Variants in PNPT1 observed in about 807,000 individuals in gnomAD.
PNPT1 encodes the protein polyribonucleotide nucleotidyltransferase 1.
A neutral mutation model predicts 119.5 loss-of-function variants in PNPT1; 53 were observed. That is an observed-to-expected ratio of 0.44 (90% CI 0.36 to 0.56). PNPT1 has a LOEUF of 0.56. Among genes scored for constraint, PNPT1 ranks in the 20% least tolerant of loss-of-function variants. PNPT1 has a pLI of 0.00. For synonymous variants in PNPT1, 357 were observed against 322.1 expected (o/e 1.11, Z -1.16); for missense variants, 948 against 938.5 (o/e 1.01, Z -0.13).
At chr2:55,641,880 C>T (rs572278057) in intron 25 of PNPT1, among the ~76,000 whole-genome samples, 16 of 150,064 alleles carry the variant, frequency 1.1e-4, no homozygotes, top group East Asian at 5.9e-4. Flanking sequence ...CTCGCTCTGT[C>T]GCCCAGGCTG....
At chr2:55,646,535 T>G (rs776246478) in intron 19 of PNPT1, 49 bp from the exon 20 acceptor site, 1 of 1,438,252 alleles carries the variant, frequency 7.0e-7, no homozygotes, top group Non-Finnish European at 9.6e-7. Context: ...AAAACAAAAG[T>G]CAACATATTC....
intron 18 of PNPT1, among the ~76,000 whole-genome samples, chr2:55,652,425 A>T (rs1696240640): frequency 6.6e-6 from 1 of 152,002 alleles, no homozygotes; most frequent in Non-Finnish European, 1.5e-5. Context: ...TAAGCTCCAT[A>T]TTTTTTTATC....
intron 8 of PNPT1, among the ~76,000 whole-genome samples, chr2:55,675,708 A>G (rs1697046502): frequency 6.6e-6 from 1 of 152,132 alleles, no homozygotes; most frequent in African/African-American, 2.4e-5. Flanking sequence ...AAAAGAAAGA[A>G]AGAAAGAAAG....
At chr2:55,637,958 C>A (rs1288505202) in intron 26 of PNPT1, among the ~76,000 whole-genome samples, 3 of 149,774 alleles carry the variant, frequency 2.0e-5, no homozygotes, top group African/African-American at 7.4e-5. Context: ...CGAGACCACG[C>A]CATTGCACTC....
chr2:55,684,875 G>A, intron 4 of PNPT1, 68 bp downstream of exon 4: 1 of 1,386,916 alleles, frequency 7.2e-7, no homozygotes, highest in South Asian at 1.8e-5. Context: ...GTAGAACACA[G>A]ATGCAAGAGA....
chr2:55,690,301 T>C (rs1225678827), intron 1 of PNPT1, among the ~76,000 whole-genome samples: 1 of 152,192 alleles, frequency 6.6e-6, no homozygotes, highest in African/African-American at 2.4e-5. Context: ...TCAAGATTCA[T>C]CAAAAGGTGT....
intron 25 of PNPT1, among the ~76,000 whole-genome samples, chr2:55,641,881 G>A (rs998578832): frequency 6.7e-6 from 1 of 148,588 alleles, no homozygotes; most frequent in African/African-American, 2.5e-5. Context: ...TCGCTCTGTC[G>A]CCCAGGCTGG....
chr2:55,653,189 G>A (rs1194761234), intron 18 of PNPT1, among the ~76,000 whole-genome samples: 1 of 152,024 alleles, frequency 6.6e-6, no homozygotes, highest in African/African-American at 2.4e-5. Flanking sequence ...CTTTTTTTAA[G>A]TTCTTAAGAG....
Position 55,644,672 on chromosome 2 carries a change from C to T in PNPT1, c.1871G>A (p.Gly624Asp). Reference protein sequence around the residue: ...LSKRAKFVGPGGYNLKKLQAE... With the variant: ...LSKRAKFVGPDGYNLKKLQAE... Reference sequence around the variant, plus strand: ...CTGAAGTTTTTTTAAGTTATAGCCACCAGGTCCAACAAATTTTGCTCGTTT... The same window carrying T: ...CTGAAGTTTTTTTAAGTTATAGCCATCAGGTCCAACAAATTTTGCTCGTTT... The change falls in exon 23 of 28, where the codon GGT becomes GAT. Residue 624 changes from glycine (G) to aspartate (D), a missense_variant. Coordinates refer to ENST00000447944, the MANE Select transcript of PNPT1 (RefSeq NM_033109.5). 1 of 1,612,618 alleles carries T rather than the reference C, an allele frequency of 6.2e-7. No homozygotes were observed. Among genetic ancestry groups the T allele is most frequent in the African/African-American group, 1.3e-5 (1 of 74,958 alleles).
At chr2:55,650,250 C>A (rs1484301019) in intron 18 of PNPT1, among the ~76,000 whole-genome samples, 1 of 152,214 alleles carries the variant, frequency 6.6e-6, no homozygotes, top group Non-Finnish European at 1.5e-5. Context: ...CTGCCTGATT[C>A]TCCTGCCTCA....
intron 13 of PNPT1, among the ~76,000 whole-genome samples, chr2:55,665,568 C>G (rs1696706907): frequency 6.6e-6 from 1 of 151,988 alleles, no homozygotes. Context: ...GAAAAACTGG[C>G]CAAAGGATAT....
At position 55,646,291 on chromosome 2, in the gene PNPT1, T is replaced by G. The variant is rs757794372; in HGVS notation, c.1706A>C (p.Lys569Thr). ...ADIKLPGIPIKIVMEAIQQAS... is the reference protein window; with the variant it reads ...ADIKLPGIPITIVMEAIQQAS... ...TTGTTGAATAGCCTCCATCACAATT[T>G]TTATTGGTATTCCAGGTAATTTAAT... Residue 569 changes from lysine to threonine, a missense_variant, in exon 21 of 28, where the codon AAA becomes ACA. Coordinates refer to ENST00000447944, the MANE Select transcript of PNPT1 (RefSeq NM_033109.5). 1 of 1,613,268 alleles carries G rather than the reference T, an allele frequency of 6.2e-7. No homozygotes were observed. The highest frequency in any genetic ancestry group is 8.5e-7 in the Non-Finnish European group (1 of 1,179,412).
chr2:55,651,012 C>T (rs1653974321), intron 18 of PNPT1, among the ~76,000 whole-genome samples: 1 of 148,422 alleles, frequency 6.7e-6, no homozygotes. Context: ...TGCCCGGCCG[C>T]CCCTACTGGG....
intron 15 of PNPT1, among the ~76,000 whole-genome samples, chr2:55,658,925 T>C (rs538564144): frequency 6.6e-6 from 1 of 152,346 alleles, no homozygotes; most frequent in African/African-American, 2.4e-5. Flanking sequence ...AATGACTTGC[T>C]ACTTTACATA....
At chr2:55,672,442 G>A (rs1360104328) in intron 9 of PNPT1, among the ~76,000 whole-genome samples, 1 of 152,106 alleles carries the variant, frequency 6.6e-6, no homozygotes, top group Non-Finnish European at 1.5e-5. Context: ...CTGACATTAA[G>A]GGAAAGTATT....
In PNPT1 at chr2:55,651,102, G is replaced by A. The variant is rs541866775; in HGVS notation, c.1496-3649C>T. Among the ~76,000 whole-genome samples the A allele has an allele frequency of 1.3e-4, 19 of 146,568 alleles. 1 individual carries two copies. The highest frequency in any genetic ancestry group is 3.3e-4 in the African/African-American group (13 of 39,670). ...GGTCAGCCCCCCCGCCCAGCCAGCC[G>A]CCCCGTCCGGGAGGTGAGGGGCGCC... On this transcript the variant is annotated intron_variant, in intron 18 of 27. Coordinates refer to ENST00000447944, the MANE Select transcript of PNPT1 (RefSeq NM_033109.5).
intron 8 of PNPT1, among the ~76,000 whole-genome samples, chr2:55,675,341 G>A (rs1697031468): frequency 1.3e-5 from 2 of 150,706 alleles, no homozygotes; most frequent in Non-Finnish European, 3.0e-5. Flanking sequence ...TAATTCCAGT[G>A]CTATGGGAGG....
chr2:55,671,466 A>T, intron 10 of PNPT1, 90 bp from the exon 11 acceptor site: 11 of 706,476 alleles, frequency 1.6e-5, no homozygotes, highest in Non-Finnish European at 2.5e-5. Flanking sequence ...ACACATTGTG[A>T]ATTACTCTGA....
chr2:55,669,000 A>C (rs993438812), intron 11 of PNPT1, among the ~76,000 whole-genome samples: 2 of 152,132 alleles, frequency 1.3e-5, no homozygotes, highest in Non-Finnish European at 2.9e-5. Context: ...ATCCCTACAA[A>C]CTGTTTTCTA....
Sources: allele counts gnomAD v4.1 joint callset (sites outside exome capture counted in the v4.1 genomes callset), GRCh38; gene constraint gnomAD v4.1.1; transcripts MANE v1.5; gene names NCBI Gene and HGNC (gene_info 2026-07-23, HGNC 2026-07-21).